The following RBFOX1 variants were observed in gnomAD, a reference collection of about 807,000 sequenced individuals.
The protein encoded by RBFOX1 is RNA binding fox-1 homolog 1, also known as RNA binding protein fox-1 homolog 1.
A neutral mutation model predicts 57.7 loss-of-function variants in RBFOX1; 8 were observed. That is an observed-to-expected ratio of 0.14 (90% confidence interval 0.08 to 0.25). The LOEUF is 0.25. RBFOX1 is among the 10% of genes least tolerant of loss of function. The probability of loss-of-function intolerance (pLI) is 1.00; values close to 1 mark genes in which losing one functional copy is unlikely to be tolerated. For missense variants in RBFOX1, 611 were observed against 548.5 expected (o/e 1.11, Z -1.14); for synonymous variants, 326 against 222.4 (o/e 1.47, Z -4.15).
intron 2 of RBFOX1, among the ~76,000 whole-genome samples, chr16:6,460,115 C>T (rs1229216997): frequency 4.0e-5 from 6 of 148,644 alleles, no homozygotes; most frequent in Admixed American, 2.7e-4. Flanking sequence ...TACAGCATTG[C>T]AGACTTGGCA....
intron 3 of RBFOX1, among the ~76,000 whole-genome samples, chr16:5,810,496 C>T (rs566459349): frequency 1.3e-5 from 2 of 152,272 alleles, no homozygotes; most frequent in Admixed American, 1.3e-4. Context: ...GCAGCCCTAG[C>T]AAACTAATAC....
chr16:6,129,560 G>C (rs779125101), intron 1 of RBFOX1, among the ~76,000 whole-genome samples: 3 of 152,056 alleles, frequency 2.0e-5, no homozygotes, highest in Non-Finnish European at 4.4e-5. Flanking sequence ...ATCTGTGATT[G>C]AAAGCATAGA....
At chr16:7,695,147 G>GA (rs1199746381) in intron 14 of RBFOX1, among the ~76,000 whole-genome samples, 3 of 152,230 alleles carry the variant, frequency 2.0e-5, no homozygotes, top group African/African-American at 7.2e-5. Context: ...TTCAGATTGA[G>GA]AGAGATATCC....
intron 3 of RBFOX1, among the ~76,000 whole-genome samples, chr16:5,633,567 T>C (rs998954644): frequency 1.3e-5 from 2 of 151,946 alleles, no homozygotes; most frequent in East Asian, 3.9e-4. Context: ...ATAAAAGAAA[T>C]AATCCCATCA....
chr16:6,446,531 A>T (rs2094489631), intron 2 of RBFOX1, among the ~76,000 whole-genome samples: 1 of 152,184 alleles, frequency 6.6e-6, no homozygotes, highest in Admixed American at 6.6e-5. Flanking sequence ...ATATGTATCA[A>T]TGCCTTCTGT....
intron 3 of RBFOX1, among the ~76,000 whole-genome samples, chr16:6,747,078 A>C (rs117489137): frequency 1.3e-5 from 2 of 152,240 alleles, no homozygotes; most frequent in Middle Eastern, 3.4e-3. Flanking sequence ...GTACCATAGC[A>C]GGTCCCTATA....
chr16:6,881,536 T>G (rs2062932585), intron 3 of RBFOX1, among the ~76,000 whole-genome samples: 1 of 152,146 alleles, frequency 6.6e-6, no homozygotes, highest in Non-Finnish European at 1.5e-5. Context: ...TCTATGCATG[T>G]CTGTGTCCAA....
chr16:6,800,723 C>T (rs2085223747), intron 3 of RBFOX1, among the ~76,000 whole-genome samples: 1 of 152,102 alleles, frequency 6.6e-6, no homozygotes, highest in South Asian at 2.1e-4. Flanking sequence ...AAAAAGACTC[C>T]TTTTATCTTT....
intron 3 of RBFOX1, among the ~76,000 whole-genome samples, chr16:6,902,524 C>G (rs991978368): frequency 7.9e-5 from 12 of 152,216 alleles, no homozygotes; most frequent in Admixed American, 7.8e-4. Flanking sequence ...GAGTTCAAGA[C>G]CAGCCTAACC....
At chr16:5,246,010 G>A (rs966407699) in intron 1 of RBFOX1, among the ~76,000 whole-genome samples, 2 of 152,158 alleles carry the variant, frequency 1.3e-5, no homozygotes, top group Admixed American at 6.5e-5. Context: ...TTGGGAGGCC[G>A]AGGCCGTCGG....
chr16:6,317,114 T>C, intron 2 of RBFOX1, 57 bp downstream of exon 2: 1 of 1,445,766 alleles, frequency 6.9e-7, no homozygotes, highest in Non-Finnish European at 9.4e-7. Context: ...TCTTTGATCC[T>C]GTTCTCTCTG....
Position 5,246,139 on chromosome 16 carries a change from G to A in RBFOX1, c.219+6034G>A, listed in dbSNP as rs113064074. On this transcript the variant is annotated intron_variant, in intron 1 of 2. Transcript: ENST00000585867. ...CACCTGTAATCCCAGCTACTTGGGA[G>A]GCTGAGGCAGGAGAATCATTTGAAC... Among the ~76,000 whole-genome samples the A allele has an allele frequency of 9.8e-3, 1,498 of 152,280 alleles. 31 individuals are homozygous for A. The highest frequency in any genetic ancestry group is 0.034 in the African/African-American group (1,427 of 41,550).
intron 2 of RBFOX1, among the ~76,000 whole-genome samples, chr16:5,582,863 C>G (rs2046717965): frequency 6.6e-6 from 1 of 152,174 alleles, no homozygotes; most frequent in Non-Finnish European, 1.5e-5. Context: ...TTCTGCCTCT[C>G]ATTCAACTGT....
intron 3 of RBFOX1, among the ~76,000 whole-genome samples, chr16:6,981,290 C>T (rs1473262127): frequency 1.3e-5 from 2 of 151,928 alleles, no homozygotes; most frequent in Non-Finnish European, 2.9e-5. Flanking sequence ...CTCCAAAAGG[C>T]CCCTGTGTTT....
At chr16:6,723,214 C>T (rs1026200125) in intron 3 of RBFOX1, among the ~76,000 whole-genome samples, 1 of 152,188 alleles carries the variant, frequency 6.6e-6, no homozygotes, top group East Asian at 1.9e-4. Context: ...TTGGGGTTTA[C>T]ATTGTGGCTT....
At chr16:7,459,024 G>A (rs944918554) in intron 4 of RBFOX1, among the ~76,000 whole-genome samples, 49 of 152,294 alleles carry the variant, frequency 3.2e-4, no homozygotes, top group African/African-American at 1.0e-3. Context: ...ATGGATGGGT[G>A]AATGGATGGA....
At chr16:6,013,164 A>G (rs1423954865) in intron 4 of RBFOX1, among the ~76,000 whole-genome samples, 3 of 152,198 alleles carry the variant, frequency 2.0e-5, no homozygotes, top group Non-Finnish European at 2.9e-5. Flanking sequence ...TAGATATGGA[A>G]TATGAACGCA....
chr16:6,923,109 T>G (rs572747992), intron 3 of RBFOX1, among the ~76,000 whole-genome samples: 2 of 152,166 alleles, frequency 1.3e-5, no homozygotes, highest in Non-Finnish European at 2.9e-5. Context: ...AGAAAGTGAT[T>G]TGTAGAATTC....
chr16:7,048,211 T>C (rs887040043), intron 3 of RBFOX1, among the ~76,000 whole-genome samples: 1 of 151,560 alleles, frequency 6.6e-6, no homozygotes, highest in Non-Finnish European at 1.5e-5. Flanking sequence ...TAAAAAAATT[T>C]AGTTATTTTT....
Sources: allele counts gnomAD v4.1 joint callset (sites outside exome capture counted in the v4.1 genomes callset), GRCh38; gene constraint gnomAD v4.1.1; transcripts MANE v1.5; gene names NCBI Gene and HGNC (gene_info 2026-07-23, HGNC 2026-07-21).